Variants in FAM135B observed in about 807,000 individuals in gnomAD.
The protein encoded by FAM135B is family with sequence similarity 135 member B, also known as protein FAM135B.
Under a neutral mutation model 127.7 loss-of-function variants are expected in FAM135B, and 43 were observed. The observed-to-expected ratio is 0.34, with a 90% CI of 0.26 to 0.43. The LOEUF (loss-of-function observed/expected upper bound fraction) is 0.43. FAM135B is among the 20% of genes least tolerant of loss of function. FAM135B has a pLI of 1.00. For missense variants in FAM135B, 1,558 were observed against 1,725.6 expected (o/e 0.90, Z 1.72); for synonymous variants, 670 against 665.1 (o/e 1.01, Z -0.11).
intron 15 of FAM135B, among the ~76,000 whole-genome samples, chr8:138,143,742 G>A (rs1817417476): frequency 6.6e-6 from 1 of 152,196 alleles, no homozygotes; most frequent in African/African-American, 2.4e-5. Flanking sequence ...TAGAGTCAAA[G>A]AGAAATAGAT....
intron 17 of FAM135B, 122 bp from the exon 18 acceptor site, chr8:138,139,218 G>T (rs1011834889): frequency 1.6e-6 from 1 of 614,894 alleles, no homozygotes; most frequent in African/African-American, 1.9e-5. Flanking sequence ...TAAGAGAGAA[G>T]TAGGCATACT....
At chr8:138,442,953 G>A (rs946921703) in intron 1 of FAM135B, among the ~76,000 whole-genome samples, 5 of 152,210 alleles carry the variant, frequency 3.3e-5, no homozygotes, top group East Asian at 3.9e-4. Flanking sequence ...GCACCTCCTC[G>A]TCCCTGTGTG....
At chr8:138,445,612 G>T (rs1222253650) in intron 1 of FAM135B, among the ~76,000 whole-genome samples, 3 of 152,116 alleles carry the variant, frequency 2.0e-5, no homozygotes, top group Admixed American at 6.5e-5. Context: ...AACCCTTCAT[G>T]CTAAAAACTC....
At position 138,152,799 on chromosome 8, in the gene FAM135B, C is replaced by A. The variant is rs372228047; in HGVS notation, c.1676G>T (p.Ser559Ile). 6.2e-7 allele frequency: 1 copy of A among 1,614,142 alleles called. No homozygotes were observed. Among genetic ancestry groups the A allele is most frequent in the Non-Finnish European group, 8.5e-7 (1 of 1,180,028 alleles). ...PVLTYIDVKS[S>I]NKNPSRAEPL... ...TTCAGCTCTGGAGGGGTTCTTATTG[C>A]TAGATTTTACGTCAATGTAGGTCAG... The change falls in exon 13 of 20, where the codon AGC becomes ATC. Residue 559 changes from serine (S) to isoleucine (I), a missense_variant. Around this residue, in one of 5 missense-constraint regions of FAM135B, gnomAD observed 923 missense variants for 865.3 expected, o/e 1.07. Transcript: ENST00000395297.
chr8:138,169,614 T>A (rs1043958439), intron 11 of FAM135B, among the ~76,000 whole-genome samples: 30 of 152,120 alleles, frequency 2.0e-4, no homozygotes, highest in Non-Finnish European at 7.4e-5. Flanking sequence ...TTAAATGGAG[T>A]TTTATTGCAC....
At chr8:138,211,531 G>A (rs1033295641) in intron 7 of FAM135B, among the ~76,000 whole-genome samples, 1 of 152,206 alleles carries the variant, frequency 6.6e-6, no homozygotes, top group African/African-American at 2.4e-5. Flanking sequence ...AGCTGCATTT[G>A]CATAGGGTTT....
At chr8:138,470,316 A>G (rs1337194920) in intron 1 of FAM135B, among the ~76,000 whole-genome samples, 1 of 152,096 alleles carries the variant, frequency 6.6e-6, no homozygotes, top group Non-Finnish European at 1.5e-5. Context: ...AACCATATAC[A>G]CCCATATACA....
chr8:138,413,011 A>C lies in FAM135B; in HGVS notation c.-19-45009T>G, dbSNP rs1300188870. On this transcript the variant is annotated intron_variant, in intron 1 of 19. Transcript: ENST00000395297. ...ATACATCAGAGATGCTCAGTCAGTG[A>C]AACTATCAAGCCTCTTCTCTGTATG... Among the ~76,000 whole-genome samples, 4 of 152,318 alleles carry C rather than the reference A, an allele frequency of 2.6e-5. No individual in the cohort carries two copies. In the East Asian group the frequency reaches 7.7e-4, roughly 29 times the overall value.
intron 3 of FAM135B, among the ~76,000 whole-genome samples, chr8:138,284,433 C>T (rs1824513849): frequency 6.6e-6 from 1 of 152,086 alleles, no homozygotes; most frequent in Admixed American, 6.5e-5. Context: ...TGCTCCCGGC[C>T]CGAAGCCCTT....
intron 7 of FAM135B, among the ~76,000 whole-genome samples, chr8:138,222,744 T>C (rs1734622463): frequency 6.8e-6 from 1 of 147,720 alleles, no homozygotes; most frequent in African/African-American, 2.5e-5. Context: ...AAAAACAAAA[T>C]GAATTTTTAA....
chr8:138,231,656 A>G (rs2130216349), intron 7 of FAM135B, among the ~76,000 whole-genome samples: 1 of 152,306 alleles, frequency 6.6e-6, no homozygotes, highest in Admixed American at 6.5e-5. Context: ...AGTGTTGGAC[A>G]CAGTCAGATC....
intron 9 of FAM135B, among the ~76,000 whole-genome samples, chr8:138,183,019 A>C (rs1422332611): frequency 2.6e-5 from 4 of 151,796 alleles, no homozygotes; most frequent in East Asian, 3.9e-4. Context: ...CCTTGTGTGC[A>C]TACACACTCA....
At chr8:138,463,889 T>A (rs142720567) in intron 1 of FAM135B, among the ~76,000 whole-genome samples, 36 of 152,288 alleles carry the variant, frequency 2.4e-4, no homozygotes, top group African/African-American at 8.7e-4. Flanking sequence ...TGGGCAGTAA[T>A]TACCATTATT....
chr8:138,235,601 T>C (rs1820212704), intron 7 of FAM135B, among the ~76,000 whole-genome samples: 1 of 152,178 alleles, frequency 6.6e-6, no homozygotes, highest in Non-Finnish European at 1.5e-5. Flanking sequence ...AAGAAGAGCC[T>C]ACTTAGAAGA....
At chr8:138,428,390 C>G (rs1351093529) in intron 1 of FAM135B, among the ~76,000 whole-genome samples, 1 of 152,056 alleles carries the variant, frequency 6.6e-6, no homozygotes, top group East Asian at 1.9e-4. Context: ...AATGATAGAT[C>G]CAGACATCAA....
intron 9 of FAM135B, among the ~76,000 whole-genome samples, chr8:138,189,430 A>G (rs1374792272): frequency 2.0e-5 from 3 of 152,180 alleles, no homozygotes; most frequent in East Asian, 3.9e-4. Flanking sequence ...GTGGATGCAA[A>G]AGGCTGTTTT....
intron 9 of FAM135B, among the ~76,000 whole-genome samples, chr8:138,179,557 A>G (rs926951438): frequency 6.6e-6 from 1 of 152,168 alleles, no homozygotes; most frequent in Non-Finnish European, 1.5e-5. Context: ...TCACCTTCGC[A>G]TAGTAAGTGT....
At chr8:138,268,544 C>T (rs1378313068) in intron 3 of FAM135B, among the ~76,000 whole-genome samples, 1 of 152,152 alleles carries the variant, frequency 6.6e-6, no homozygotes, top group Non-Finnish European at 1.5e-5. Context: ...TCACCAATCG[C>T]AAGACACTTC....
intron 2 of FAM135B, among the ~76,000 whole-genome samples, chr8:138,331,799 T>C (rs867143550): frequency 3.9e-5 from 6 of 152,164 alleles, no homozygotes; most frequent in Non-Finnish European, 8.8e-5. Context: ...AATACATTTA[T>C]CTAGGATTTG....
Sources: gnomAD v4.1 joint callset for allele counts (sites outside exome capture counted in the v4.1 genomes callset) on GRCh38, gnomAD v4.1.1 for gene constraint, gnomAD v4.1.1 regional missense constraint, MANE v1.5 for transcripts, NCBI Gene and HGNC (gene_info 2026-07-23, HGNC 2026-07-21) for gene names.